ARFGEF1: variants seen among roughly 807,000 people sequenced by gnomAD.
ARFGEF1 encodes the protein ARF guanine nucleotide exchange factor 1.
Under a neutral mutation model 231.0 loss-of-function variants are expected in ARFGEF1, and 42 were observed. The ratio of observed to expected loss-of-function variants is 0.18; its 90% CI spans 0.14 to 0.24. The LOEUF is 0.24. ARFGEF1 is among the 10% of genes least tolerant of loss of function. The probability of loss-of-function intolerance (pLI) is 1.00; values close to 1 mark genes in which losing one functional copy is unlikely to be tolerated. For missense variants in ARFGEF1, 1,345 were observed against 2,192.0 expected, an observed-to-expected ratio of 0.61 and a Z score of 7.72; for synonymous variants, 710 against 732.3, an observed-to-expected ratio of 0.97 and a Z score of 0.49.
chr8:67,183,359 T>C (rs1833520442), intron 5 of ARFGEF1, among the ~76,000 whole-genome samples: 1 of 152,040 alleles, frequency 6.6e-6, no homozygotes, highest in African/African-American at 2.4e-5. Flanking sequence ...CTTCTCAGGG[T>C]CACATGGAAC....
chr8:67,218,977 T>C (rs1422587915), intron 30 of ARFGEF1, among the ~76,000 whole-genome samples: 1 of 151,408 alleles, frequency 6.6e-6, no homozygotes, highest in Non-Finnish European at 1.5e-5. Flanking sequence ...CACAGTGTTC[T>C]TTTTTTTTGA....
chr8:67,193,980 T>C (rs148156057), downstream of ARFGEF1, among the ~76,000 whole-genome samples: 1 of 152,372 alleles, frequency 6.6e-6, no homozygotes, highest in African/African-American at 2.4e-5. Context: ...TGCTGTATAT[T>C]TGCAGTACTA....
chr8:67,259,951 T>G (rs564278804), intron 14 of ARFGEF1, 25 bp from the exon 15 acceptor site: 2 of 1,495,962 alleles, frequency 1.3e-6, no homozygotes, highest in African/African-American at 2.8e-5. Flanking sequence ...ATAAGAACAT[T>G]AAAAATAGAA....
At chr8:67,204,581 GCCCC>G in intron 35 of ARFGEF1, 95 bp downstream of exon 35, 2 of 1,341,864 alleles carry the variant, frequency 1.5e-6, no homozygotes, top group Non-Finnish European at 2.0e-6. Context: ...TATGATGAAG[GCCCC>G]ACAAACTAAT....
Position 67,217,889 on chromosome 8 carries a change from G to A in ARFGEF1, c.4506C>T (p.Asn1502=), listed in dbSNP as rs111322181. The A allele has an allele frequency of 6.2e-5, 100 of 1,613,944 alleles. No individual in the cohort carries two copies. The African/African-American group carries it at 9.3e-4, about 15-fold the overall frequency. ...TCAGAATAACAACATTCTCTAAACAGTTTGTACCAGATCGCGCTAACTGCT... is the reference window on the plus strand; with the variant it reads ...TCAGAATAACAACATTCTCTAAACAATTTGTACCAGATCGCGCTAACTGCT... The part of the protein sequence containing the change: ...DNEQLARSGT[N]CLENVVILNG... Residue 1502 remains asparagine (N), a synonymous_variant, in exon 32 of 39, where the codon AAC becomes AAT. Transcript: ENST00000262215.
chr8:67,212,671 G>A (rs1361329236), intron 33 of ARFGEF1, among the ~76,000 whole-genome samples: 2 of 152,178 alleles, frequency 1.3e-5, no homozygotes, highest in East Asian at 3.9e-4. Flanking sequence ...GTCCCAGCCT[G>A]AGCAACCTTA....
intron 19 of ARFGEF1, among the ~76,000 whole-genome samples, chr8:67,242,762 C>T (rs1490574951): frequency 2.0e-5 from 3 of 152,168 alleles, no homozygotes; most frequent in South Asian, 2.1e-4. Context: ...CATTTCTGTA[C>T]CTGCCCTGGG....
At chr8:67,301,191 C>A (rs747720662) in intron 3 of ARFGEF1, 33 bp downstream of exon 3, 5 of 1,531,142 alleles carry the variant, frequency 3.3e-6, no homozygotes, top group Non-Finnish European at 4.4e-6. Context: ...ATTCAAAGTA[C>A]ACAGTTTTTA....
intron 5 of ARFGEF1, among the ~76,000 whole-genome samples, chr8:67,189,297 TAAAG>T (rs1835539525): frequency 6.6e-6 from 1 of 152,296 alleles, no homozygotes; most frequent in East Asian, 1.9e-4. Context: ...AACTTGTCCA[TAAAG>T]AAACTGGCAC....
intron 1 of ARFGEF1, among the ~76,000 whole-genome samples, chr8:67,335,846 A>T (rs1421446595): frequency 3.3e-5 from 5 of 151,692 alleles, no homozygotes; most frequent in Admixed American, 6.6e-5. Flanking sequence ...TTCCAGGTTC[A>T]AGCGATTCTC....
chr8:67,183,998 G>T (rs1203757710), intron 5 of ARFGEF1, among the ~76,000 whole-genome samples: 1 of 151,870 alleles, frequency 6.6e-6, no homozygotes, highest in Non-Finnish European at 1.5e-5. Flanking sequence ...GATTACAGGC[G>T]CCTGCCACCA....
At chr8:67,194,014 T>C (rs1375844972), downstream of ARFGEF1, among the ~76,000 whole-genome samples, 1 of 152,252 alleles carries the variant, frequency 6.6e-6, no homozygotes, top group African/African-American at 2.4e-5. Flanking sequence ...TACCTTCTTC[T>C]TTGGCTTTCC....
chr8:67,251,254 T>C (rs1380970159), intron 19 of ARFGEF1, 45 bp downstream of exon 19: 4 of 1,498,126 alleles, frequency 2.7e-6, no homozygotes, highest in East Asian at 2.4e-5. Context: ...AATGTAGTTA[T>C]ATATAAATGT....
At chr8:67,235,050 G>GA (rs776090316) in intron 22 of ARFGEF1, among the ~76,000 whole-genome samples, 1 of 149,976 alleles carries the variant, frequency 6.7e-6, no homozygotes, top group South Asian at 2.1e-4. Flanking sequence ...GTTCTGTGGG[G>GA]AAAAAATATG....
chr8:67,283,593 A>G (rs1587215261), intron 7 of ARFGEF1, among the ~76,000 whole-genome samples: 1 of 152,322 alleles, frequency 6.6e-6, no homozygotes, highest in Non-Finnish European at 1.5e-5. Flanking sequence ...ATAAACTGAG[A>G]GAAAGTATCT....
chr8:67,273,417 CCCA>C (rs1805181342), intron 9 of ARFGEF1, among the ~76,000 whole-genome samples: 1 of 102,982 alleles, frequency 9.7e-6, no homozygotes, highest in Admixed American at 1.0e-4. Flanking sequence ...TTTTTTTTTT[CCCA>C]AAAAAAAAAA....
Position 67,190,655 on chromosome 8 carries a change from T to TA in ARFGEF1, c.560+9740dup, listed in dbSNP as rs587777141. 1 of 1,613,774 alleles carries TA rather than the reference T, an allele frequency of 6.2e-7. No homozygotes were observed. Among genetic ancestry groups the TA allele is most frequent in the East Asian group, 2.2e-5 (1 of 44,888 alleles). On this transcript the variant is annotated intron_variant, in intron 5 of 5. Coordinates refer to the ARFGEF1 transcript ENST00000518789. The stretch of plus-strand genomic sequence containing the variant: ...GCTTTTCGGGGTCCTCTTAGGGGCT[T>TA]ACGGTGAGACATATCCTGCCATTGA...
intron 18 of ARFGEF1, among the ~76,000 whole-genome samples, chr8:67,252,452 C>T (rs1177983459): frequency 6.6e-6 from 1 of 152,046 alleles, no homozygotes; most frequent in African/African-American, 2.4e-5. Context: ...TCTCTTATTT[C>T]CTACCACCAT....
At chr8:67,251,699 T>C (rs978452520) in intron 18 of ARFGEF1, among the ~76,000 whole-genome samples, 1 of 152,148 alleles carries the variant, frequency 6.6e-6, no homozygotes, top group Non-Finnish European at 1.5e-5. Context: ...AATTGCTTGA[T>C]GAGTTTGGAG....
Sources: gnomAD v4.1 joint callset for allele counts (sites outside exome capture counted in the v4.1 genomes callset) on GRCh38, gnomAD v4.1.1 for gene constraint, MANE v1.5 for transcripts, NCBI Gene and HGNC (gene_info 2026-07-23, HGNC 2026-07-21) for gene names.